MAP3K3: variants seen among roughly 807,000 people sequenced by gnomAD.
MAP3K3 encodes mitogen-activated protein kinase kinase kinase 3.
In MAP3K3, 12 loss-of-function variants were observed where a neutral mutation model predicts 80.9. The ratio of observed to expected loss-of-function variants is 0.15; its 90% confidence interval spans 0.10 to 0.24. The LOEUF is 0.24. MAP3K3 is among the 10% of genes least tolerant of loss of function. MAP3K3 has a pLI of 1.00. For synonymous variants in MAP3K3, 272 were observed against 307.1 expected (o/e 0.89, Z 1.19); for missense variants, 596 against 834.7 (o/e 0.71, Z 3.52).
rs1352675048 is a variant in MAP3K3, at chr17:63,646,038, A to C, written c.131A>C (p.Asp44Ala). The change falls in exon 3 of 16, where the codon GAC becomes GCC. Residue 44 changes from aspartate (D) to alanine (A), a missense_variant. Asp to Ala is a moderately radical substitution (Grantham distance 126). Coordinates refer to ENST00000361733, the MANE Select transcript of MAP3K3 (RefSeq NM_002401.5). The part of the protein sequence containing the change: ...KDTGHSNRQS[D>A]VRIKFEHNGE... Reference sequence around the variant, plus strand: ...GTCTATCATTCTTTTTGGCAGAGTGACGTCAGAATCAAGTTCGAGCACAAC... The same window carrying C: ...GTCTATCATTCTTTTTGGCAGAGTGCCGTCAGAATCAAGTTCGAGCACAAC... The C allele has an allele frequency of 6.2e-7, 1 of 1,613,856 alleles. No individual in the cohort carries two copies. Among genetic ancestry groups the C allele is most frequent in the Non-Finnish European group, 8.5e-7 (1 of 1,179,838 alleles).
At chr17:63,661,475 C>T (rs2034889830) in intron 5 of MAP3K3, among the ~76,000 whole-genome samples, 2 of 152,230 alleles carry the variant, frequency 1.3e-5, no homozygotes, top group Non-Finnish European at 2.9e-5. Context: ...TTAGCTTATG[C>T]ATCTAACTTT....
In MAP3K3 at chr17:63,664,196, G is replaced by A. The variant is rs371448720; in HGVS notation, c.382-2744G>A. Among the ~76,000 whole-genome samples the A allele has an allele frequency of 2.7e-3, 377 of 139,082 alleles. 2 individuals carry two copies. Among genetic ancestry groups the A allele is most frequent in the African/African-American group, 0.01 (367 of 36,678 alleles). The allele number at this position is 139,082 out of a possible 152,430, so 91.2% of individuals were successfully genotyped here. On this transcript the variant is annotated intron_variant, in intron 5 of 15. Transcript: ENST00000361733. The stretch of plus-strand genomic sequence containing the variant: ...CGGGAGGCGGAGCTTGCAGTGAGCC[G>A]AGATCGCGCCACTGCACTCCAGCCT...
At chr17:63,662,244 G>GAA (rs35789105) in intron 5 of MAP3K3, among the ~76,000 whole-genome samples, 60 of 81,154 alleles carry the variant, frequency 7.4e-4, no homozygotes, top group East Asian at 2.0e-3. Context: ...TGTCTCTATT[G>GAA]AAAAAAAAAA....
In MAP3K3 at chr17:63,661,661, T is replaced by G. The variant is rs568453312; in HGVS notation, c.381+3754T>G. The stretch of plus-strand genomic sequence containing the variant: ...ATATTCGCGTTGACAAAAATAAGCT[T>G]CTAATCTTCTCACCTAAATATTGTA... On this transcript the variant is annotated intron_variant, in intron 5 of 15. Coordinates refer to ENST00000361733, the MANE Select transcript of MAP3K3 (RefSeq NM_002401.5). 1.2e-4 allele frequency among the ~76,000 whole-genome samples: 18 copies of G among 152,342 alleles called. No individual in the cohort carries two copies. In the South Asian group the frequency reaches 3.5e-3, roughly 30 times the overall value.
rs772305243 is a variant in MAP3K3, at chr17:63,693,650, A to G, written c.1754A>G (p.Asn585Ser). ...AIFKIATQPTNPQLPSHISEH... is the reference protein window; with the variant it reads ...AIFKIATQPTSPQLPSHISEH... Reference sequence around the variant, plus strand: ...TTCAAGATTGCCACCCAGCCCACCAATCCTCAGCTGCCCTCCCACATCTCT... The same window carrying G: ...TTCAAGATTGCCACCCAGCCCACCAGTCCTCAGCTGCCCTCCCACATCTCT... Residue 585 changes from asparagine to serine, a missense_variant, in exon 16 of 16, where the codon AAT (asparagine) becomes AGT (serine). This residue lies in a region of MAP3K3 where 364 missense variants were observed against 588.9 expected (regional missense o/e 0.62). Coordinates refer to ENST00000361733, the MANE Select transcript of MAP3K3 (RefSeq NM_002401.5). This position sits in a 1 kb window ranked among gnomAD's most constrained non-coding sequence, Gnocchi z 4.2. 3.7e-6 allele frequency: 6 copies of G among 1,610,074 alleles called. No homozygotes were observed. The highest frequency in any genetic ancestry group is 4.5e-5 in the East Asian group (2 of 44,750).
intron 6 of MAP3K3, among the ~76,000 whole-genome samples, chr17:63,677,815 C>G (rs2035248575): frequency 6.6e-6 from 1 of 152,148 alleles, no homozygotes; most frequent in South Asian, 2.1e-4. Flanking sequence ...CTACAGTGAG[C>G]TATGAACACG....
chr17:63,642,758 G>A (rs2034467979), intron 2 of MAP3K3, among the ~76,000 whole-genome samples: 1 of 151,972 alleles, frequency 6.6e-6, no homozygotes, highest in Admixed American at 6.6e-5. Flanking sequence ...GTTTTGTTTT[G>A]TTTCAATATA....
intron 2 of MAP3K3, among the ~76,000 whole-genome samples, chr17:63,643,118 T>C (rs1053168923): frequency 1.4e-4 from 21 of 151,178 alleles, no homozygotes; most frequent in African/African-American, 5.1e-4. Context: ...TGAGGAAATA[T>C]GTGAGTAAAC....
intron 4 of MAP3K3, among the ~76,000 whole-genome samples, chr17:63,655,886 G>T (rs947875290): frequency 1.3e-5 from 2 of 152,182 alleles, no homozygotes; most frequent in Admixed American, 1.3e-4. Context: ...AATATGATTT[G>T]CAGAACATTC....
intron 4 of MAP3K3, among the ~76,000 whole-genome samples, chr17:63,653,418 T>C (rs1307814353): frequency 6.6e-6 from 1 of 152,174 alleles, no homozygotes; most frequent in East Asian, 1.9e-4. Context: ...ATCATCACTG[T>C]GTAGTTTTAT....
At chr17:63,658,601 C>T (rs1422019198) in intron 5 of MAP3K3, among the ~76,000 whole-genome samples, 1 of 152,210 alleles carries the variant, frequency 6.6e-6, no homozygotes, top group African/African-American at 2.4e-5. Context: ...GGTTTCTTGG[C>T]ACCATTTCCT....
Position 63,692,444 on chromosome 17 carries a change from C to A in MAP3K3, c.1652+25C>A. On this transcript the variant is annotated intron_variant, in intron 15 of 15. Transcript: ENST00000361733. The surrounding 1 kb of genome is among the most constrained non-coding windows in gnomAD (Gnocchi z 4.5). ...GGTGAGCACTGGGACATGCAGAACCCATTCTTCCACCCAGGCCATAGTGGC... is the reference window on the plus strand; with the variant it reads ...GGTGAGCACTGGGACATGCAGAACCAATTCTTCCACCCAGGCCATAGTGGC... 1 of 1,578,936 alleles carries A rather than the reference C, an allele frequency of 6.3e-7. No individual in the cohort carries two copies. Among genetic ancestry groups the A allele is most frequent in the East Asian group, 2.3e-5 (1 of 44,278 alleles).
At chr17:63,646,830 T>A (rs1347831653) in intron 3 of MAP3K3, among the ~76,000 whole-genome samples, 1 of 152,166 alleles carries the variant, frequency 6.6e-6, no homozygotes, top group Admixed American at 6.5e-5. Flanking sequence ...CATGGGATAT[T>A]TGGGACCTTG....
chr17:63,689,112 G>T lies in MAP3K3; in HGVS notation c.871+231G>T, dbSNP rs2035526180. On this transcript the variant is annotated intron_variant, in intron 10 of 15. Transcript: ENST00000361733. The surrounding 1 kb of genome is among the most constrained non-coding windows in gnomAD (Gnocchi z 4.3). ...TCTGACCTTGTTTGAAGCCAGTGGT[G>T]TGCTCCAGGGGCACCATCTCTCCCA... The T allele has an allele frequency of 1.7e-6, 1 of 585,880 alleles. No individual in the cohort carries two copies. Among genetic ancestry groups the T allele is most frequent in the East Asian group, 2.9e-5 (1 of 34,706 alleles). The allele number at this position is 585,880 out of a possible 1,614,324, so 36.3% of individuals were successfully genotyped here.
In MAP3K3 at chr17:63,673,093, A is replaced by G. The variant is rs74748963; in HGVS notation, c.502+6033A>G. Among the ~76,000 whole-genome samples, 15 of 152,316 alleles carry G rather than the reference A, an allele frequency of 9.8e-5. No homozygotes were observed. The East Asian group carries it at 2.9e-3, about 29-fold the overall frequency. Reference sequence around the variant, plus strand: ...GCAGCAAGCAGGCTACTCAGTTCACACTGGAACATTTGCATTGATGGGGAA... The same window carrying G: ...GCAGCAAGCAGGCTACTCAGTTCACGCTGGAACATTTGCATTGATGGGGAA... On this transcript the variant is annotated intron_variant, in intron 6 of 15. Coordinates refer to ENST00000361733, the MANE Select transcript of MAP3K3 (RefSeq NM_002401.5).
intron 7 of MAP3K3, among the ~76,000 whole-genome samples, chr17:63,683,627 A>G (rs2035386766): frequency 6.6e-6 from 1 of 152,208 alleles, no homozygotes; most frequent in African/African-American, 2.4e-5. Flanking sequence ...CTGCCTCTTT[A>G]GCTGAAGAGA....
chr17:63,626,859 A>G (rs2034113187), intron 1 of MAP3K3, among the ~76,000 whole-genome samples: 1 of 152,246 alleles, frequency 6.6e-6, no homozygotes, highest in Admixed American at 6.5e-5. Flanking sequence ...TCATTAGTTA[A>G]ATGAAACAAA....
chr17:63,647,288 C>T (rs940837153), intron 3 of MAP3K3, among the ~76,000 whole-genome samples: 1 of 152,230 alleles, frequency 6.6e-6, no homozygotes, highest in African/African-American at 2.4e-5. Flanking sequence ...TCCCCAGCTG[C>T]TCTTCCTGTG....
intron 3 of MAP3K3, among the ~76,000 whole-genome samples, chr17:63,646,650 T>C (rs1250413186): frequency 6.6e-6 from 1 of 152,214 alleles, no homozygotes; most frequent in East Asian, 1.9e-4. Flanking sequence ...ATTAGGGAAG[T>C]GAAAGTAGTG....
Sources: gnomAD v4.1 joint callset for allele counts (sites outside exome capture counted in the v4.1 genomes callset) on GRCh38, gnomAD v4.1.1 for gene constraint, gnomAD v4.1.1 regional missense constraint, Gnocchi (gnomAD v3.1) non-coding constraint, MANE v1.5 for transcripts, NCBI Gene and HGNC (gene_info 2026-07-23, HGNC 2026-07-21) for gene names.